ZNF277: variants seen among roughly 807,000 people sequenced by gnomAD.
The protein encoded by ZNF277 is zinc finger protein 277.
ZNF277 carries 55 observed loss-of-function variants against 60.7 expected under a neutral mutation model. The observed-to-expected ratio is 0.91, with a 90% CI of 0.73 to 1.13. The LOEUF is 1.13. Ranked by LOEUF, ZNF277 falls within the 50% of genes most tolerant of loss-of-function variation. The pLI is 0.00. For missense variants in ZNF277, 510 were observed against 523.0 expected (o/e 0.98, Z 0.24); for synonymous variants, 178 against 179.3 (o/e 0.99, Z 0.06).
intron 5 of ZNF277, among the ~76,000 whole-genome samples, chr7:112,319,150 A>G (rs1393107911): frequency 1.3e-5 from 2 of 152,066 alleles, no homozygotes; most frequent in African/African-American, 2.4e-5. Context: ...TTCATTATGT[A>G]GGTATGATTG....
At chr7:112,333,423 G>A (rs528652444) in intron 7 of ZNF277, among the ~76,000 whole-genome samples, 6 of 152,162 alleles carry the variant, frequency 3.9e-5, no homozygotes, top group South Asian at 4.1e-4. Context: ...ATGTAAGCAC[G>A]TTAGTTTGAA....
chr7:112,222,971 C>G (rs921038504), intron 1 of ZNF277, among the ~76,000 whole-genome samples: 5 of 152,326 alleles, frequency 3.3e-5, no homozygotes, highest in Middle Eastern at 6.8e-3. Flanking sequence ...TTCTACCATG[C>G]TGGATGCTTC....
rs548581771 is a variant in ZNF277 at position 112,324,149 on chromosome 7, G to A, written c.558-3568G>A. 2.4e-4 allele frequency among the ~76,000 whole-genome samples: 36 copies of A among 152,200 alleles called. 1 individual carries two copies. Among genetic ancestry groups the A allele is most frequent in the African/African-American group, 7.2e-4 (30 of 41,534 alleles). On this transcript the variant is annotated intron_variant, in intron 5 of 11. Coordinates refer to ENST00000361822, the MANE Select transcript of ZNF277 (RefSeq NM_021994.3). ...AAAGTCATTGTACATTTAAAATATT[G>A]TAAGTCAAAAAAAATTTAATATACC...
At chr7:112,211,072 T>C (rs1821733832) in intron 1 of ZNF277, among the ~76,000 whole-genome samples, 1 of 152,232 alleles carries the variant, frequency 6.6e-6, no homozygotes, top group South Asian at 2.1e-4. Context: ...TAGTAGTTGA[T>C]GATTTTGCTA....
intron 5 of ZNF277, among the ~76,000 whole-genome samples, chr7:112,325,422 C>T (rs1793071644): frequency 6.6e-6 from 1 of 152,214 alleles, no homozygotes. Context: ...CTTGGCAAAC[C>T]TGGCTCAATT....
intron 7 of ZNF277, among the ~76,000 whole-genome samples, chr7:112,334,110 C>G (rs1476988757): frequency 1.3e-5 from 2 of 152,132 alleles, no homozygotes; most frequent in African/African-American, 4.8e-5. Context: ...ATAGTTTTCT[C>G]TAGTGAAGTT....
At chr7:112,207,647 TC>T (rs1262723227) in intron 1 of ZNF277, among the ~76,000 whole-genome samples, 1 of 151,896 alleles carries the variant, frequency 6.6e-6, no homozygotes, top group African/African-American at 2.4e-5. Context: ...CCTCCCCCAT[TC>T]CCCCCACCCC....
intron 1 of ZNF277, among the ~76,000 whole-genome samples, chr7:112,269,201 ATTTTTTTTGTT>A (rs546449386): frequency 1.4e-3 from 99 of 72,118 alleles, no homozygotes; most frequent in African/African-American, 2.8e-3. Context: ...AATACAATGG[ATTTTTTTTGTT>A]TTTTTTTTGT....
intron 1 of ZNF277, among the ~76,000 whole-genome samples, chr7:112,283,813 G>C (rs1294623698): frequency 6.6e-6 from 1 of 152,310 alleles, no homozygotes; most frequent in Non-Finnish European, 1.5e-5. Flanking sequence ...CTGTACTCTA[G>C]TGATTTTTGG....
chr7:112,304,785 A>T (rs1792552827), intron 4 of ZNF277, among the ~76,000 whole-genome samples: 1 of 152,182 alleles, frequency 6.6e-6, no homozygotes, highest in Admixed American at 6.6e-5. Context: ...AGCCAGCCTC[A>T]CTTTGAAACA....
Position 112,336,174 on chromosome 7 carries a change from A to G in ZNF277, c.869+3A>G. The G allele has an allele frequency of 6.2e-7, 1 of 1,608,762 alleles. No homozygotes were observed. Among genetic ancestry groups the G allele is most frequent in the Non-Finnish European group, 8.5e-7 (1 of 1,177,338 alleles). ...GAGTTGCTGGACCATCAGGAAGAGT[A>G]AGAGTTGTTATTGCTGCTAATTAAT... On this transcript the variant is annotated splice_donor_region_variant and intron_variant, in intron 8 of 11. Transcript: ENST00000361822.
At chr7:112,218,981 C>G (rs1821958079) in intron 1 of ZNF277, among the ~76,000 whole-genome samples, 1 of 152,052 alleles carries the variant, frequency 6.6e-6, no homozygotes, top group Admixed American at 6.6e-5. Flanking sequence ...AGTTATGTAC[C>G]CAGAAGTAGA....
At chr7:112,319,294 C>T (rs1426291966) in intron 5 of ZNF277, among the ~76,000 whole-genome samples, 2 of 152,018 alleles carry the variant, frequency 1.3e-5, no homozygotes, top group African/African-American at 4.8e-5. Flanking sequence ...TAGGGTCCTA[C>T]CATGAGTCTC....
chr7:112,322,507 C>CT (rs147455926), intron 5 of ZNF277, among the ~76,000 whole-genome samples: 9,457 of 151,946 alleles, frequency 0.062, 367 homozygotes, highest in East Asian at 0.12. Flanking sequence ...TATTGGTTGT[C>CT]TTTTTAAAAA....
intron 1 of ZNF277, among the ~76,000 whole-genome samples, chr7:112,256,296 A>C (rs1266445362): frequency 6.6e-6 from 1 of 152,146 alleles, no homozygotes; most frequent in African/African-American, 2.4e-5. Context: ...ACATAGAAAT[A>C]AGAAAAATCC....
chr7:112,328,559 T>C (rs1210699497), intron 6 of ZNF277, among the ~76,000 whole-genome samples: 1 of 151,940 alleles, frequency 6.6e-6, no homozygotes, highest in Non-Finnish European at 1.5e-5. Flanking sequence ...CCCACAACAC[T>C]GAGAGCAACA....
chr7:112,318,030 GCAAAAA>G (rs1320385170), intron 4 of ZNF277, 146 bp from the exon 5 acceptor site: 2 of 615,686 alleles, frequency 3.2e-6, no homozygotes, highest in African/African-American at 3.7e-5. Flanking sequence ...GGAGTTTAAT[GCAAAAA>G]CAGGAATGGA....
chr7:112,234,853 C>T (rs1260004692), intron 1 of ZNF277, among the ~76,000 whole-genome samples: 2 of 151,816 alleles, frequency 1.3e-5, no homozygotes, highest in Non-Finnish European at 2.9e-5. Flanking sequence ...AGCTGAGCAT[C>T]TTATATATAA....
At chr7:112,314,490 CTT>C (rs1002933919) in intron 4 of ZNF277, among the ~76,000 whole-genome samples, 7 of 152,052 alleles carry the variant, frequency 4.6e-5, no homozygotes, top group African/African-American at 1.2e-4. Context: ...TGAGAGAAGA[CTT>C]TTAAAAACCT....
Sources: gnomAD v4.1 joint callset for allele counts (sites outside exome capture counted in the v4.1 genomes callset) on GRCh38, gnomAD v4.1.1 for gene constraint, MANE v1.5 for transcripts, NCBI Gene and HGNC (gene_info 2026-07-23, HGNC 2026-07-21) for gene names.